Variants in CRK observed in about 807,000 individuals in gnomAD.
The protein encoded by CRK is CRK proto-oncogene, adaptor protein, also known as adapter molecule crk.
A neutral mutation model predicts 29.8 loss-of-function variants in CRK; 4 were observed. The ratio of observed to expected loss-of-function variants is 0.13; its 90% CI spans 0.07 to 0.31. CRK has a LOEUF of 0.31. Among genes scored for constraint, CRK ranks in the 10% least tolerant of loss-of-function variants. The probability of loss-of-function intolerance (pLI) is 1.00; values close to 1 mark genes in which losing one functional copy is unlikely to be tolerated. For missense variants in CRK, 274 were observed against 396.5 expected (o/e 0.69, Z 2.62); for synonymous variants, 153 against 164.9 (o/e 0.93, Z 0.55).
chr17:1,431,021 T>TG, intron 2 of CRK, among the ~76,000 whole-genome samples: 1 of 151,404 alleles, frequency 6.6e-6, no homozygotes, highest in Non-Finnish European at 1.5e-5. Flanking sequence ...TGAGCCGAGA[T>TG]CACGCACTGC....
At chr17:1,447,253 G>A (rs763860780) in intron 1 of CRK, among the ~76,000 whole-genome samples, 23 of 152,316 alleles carry the variant, frequency 1.5e-4, no homozygotes, top group Non-Finnish European at 2.1e-4. Flanking sequence ...GAGAACAGAA[G>A]CAACGACAGG....
Position 1,425,667 on chromosome 17 carries a change from A to T in CRK, c.778-2017T>A, listed in dbSNP as rs1260050199. Among the ~76,000 whole-genome samples the T allele has an allele frequency of 5.3e-5, 8 of 152,372 alleles. No individual in the cohort carries two copies. In the East Asian group the frequency reaches 1.5e-3, roughly 29 times the overall value. On this transcript the variant is annotated intron_variant, in intron 2 of 2. Coordinates refer to ENST00000300574, the MANE Select transcript of CRK (RefSeq NM_016823.4). ...GGGTTCCCTAAAAATGTACGCAGGC[A>T]CATCTACTGGCCAAAGCCAACGTAA...
At chr17:1,449,303 C>G (rs1176377245) in intron 1 of CRK, among the ~76,000 whole-genome samples, 1 of 152,172 alleles carries the variant, frequency 6.6e-6, no homozygotes, top group African/African-American at 2.4e-5. Context: ...AACTGTTTCA[C>G]CAGTTCCTAC....
At position 1,450,891 on chromosome 17, in the gene CRK, A is replaced by G. The variant is rs1265547160; in HGVS notation, c.241+4986T>C. ...ACAAGAGCGAAACTCCCTCTCAAAC[A>G]AAACAAAACAAAACAAATAGGCCGG... On this transcript the variant is annotated intron_variant, in intron 1 of 2. Coordinates refer to ENST00000300574, the MANE Select transcript of CRK (RefSeq NM_016823.4). Among the ~76,000 whole-genome samples the G allele has an allele frequency of 2.6e-5, 4 of 151,352 alleles. No homozygotes were observed. In the East Asian group the frequency reaches 7.8e-4, roughly 30 times the overall value.
chr17:1,444,572 C>T (rs977341305), intron 1 of CRK, among the ~76,000 whole-genome samples: 6 of 138,878 alleles, frequency 4.3e-5, no homozygotes, highest in African/African-American at 1.5e-4. Flanking sequence ...GGCCTGTAAT[C>T]CCAGCACTTT....
At chr17:1,445,421 C>T (rs1156308592) in intron 1 of CRK, among the ~76,000 whole-genome samples, 1 of 152,124 alleles carries the variant, frequency 6.6e-6, no homozygotes, top group Non-Finnish European at 1.5e-5. Context: ...GAAAGGGGTG[C>T]GAGTGCCAGG....
At chr17:1,426,933 G>A (rs943577585) in intron 2 of CRK, among the ~76,000 whole-genome samples, 9 of 149,686 alleles carry the variant, frequency 6.0e-5, no homozygotes, top group South Asian at 2.1e-4. Flanking sequence ...TCAAGAGGCT[G>A]ACATGGGAGG....
At chr17:1,428,406 C>T (rs1325149119) in intron 2 of CRK, among the ~76,000 whole-genome samples, 3 of 151,748 alleles carry the variant, frequency 2.0e-5, no homozygotes, top group African/African-American at 7.3e-5. Flanking sequence ...TGTGAGCCAC[C>T]GTGCCAGCCC....
intron 2 of CRK, among the ~76,000 whole-genome samples, chr17:1,430,769 G>C (rs1420437899): frequency 1.3e-5 from 2 of 151,296 alleles, no homozygotes; most frequent in African/African-American, 2.4e-5. Context: ...GGAAGACCTT[G>C]TTAAAATTAA....
chr17:1,455,159 T>C (rs971512118), intron 1 of CRK, among the ~76,000 whole-genome samples: 2 of 152,232 alleles, frequency 1.3e-5, no homozygotes, highest in African/African-American at 2.4e-5. Flanking sequence ...CAGAACTCTC[T>C]AACGGCGGAC....
At chr17:1,451,472 T>A (rs1309002289) in intron 1 of CRK, among the ~76,000 whole-genome samples, 1 of 151,594 alleles carries the variant, frequency 6.6e-6, no homozygotes, top group Non-Finnish European at 1.5e-5. Flanking sequence ...CCTCAAGTGA[T>A]CCACCCTCCT....
At chr17:1,427,150 G>C (rs1036237067) in intron 2 of CRK, among the ~76,000 whole-genome samples, 1 of 148,414 alleles carries the variant, frequency 6.7e-6, no homozygotes, top group Admixed American at 6.8e-5. Context: ...AATTAGTAAG[G>C]TATCATCGTA....
intron 1 of CRK, among the ~76,000 whole-genome samples, chr17:1,446,979 A>C (rs970592538): frequency 6.6e-6 from 1 of 152,146 alleles, no homozygotes. Flanking sequence ...TTTACTTATA[A>C]ATTATTTTTC....
At chr17:1,432,412 C>A (rs1430051603) in intron 2 of CRK, among the ~76,000 whole-genome samples, 1 of 146,306 alleles carries the variant, frequency 6.8e-6, no homozygotes, top group Non-Finnish European at 1.5e-5. Context: ...TCACTTGAAC[C>A]CAGGAGGCAG....
At position 1,420,981 on chromosome 17, in the gene CRK, C is replaced by T. The variant is rs184388452; in HGVS notation, c.*2532G>A. ...TTCCAACAAATTAATAAGAATTAACCATGTCAAATATTAGTATTCAAAAAA... is the reference window on the plus strand; with the variant it reads ...TTCCAACAAATTAATAAGAATTAACTATGTCAAATATTAGTATTCAAAAAA... On this transcript the variant is annotated 3_prime_UTR_variant, in exon 3 of 3. Transcript: ENST00000300574. The T allele has an allele frequency of 6.6e-6, 1 of 152,088 alleles. No individual in the cohort carries two copies. The highest frequency in any genetic ancestry group is 1.9e-4 in the East Asian group (1 of 5,184). The allele number at this position is 152,088 out of a possible 1,614,324, so 9.4% of individuals were successfully genotyped here.
intron 1 of CRK, among the ~76,000 whole-genome samples, chr17:1,455,187 G>C (rs2074046353): frequency 6.6e-6 from 1 of 152,214 alleles, no homozygotes; most frequent in African/African-American, 2.4e-5. Context: ...TGGACGCTTA[G>C]ATCTCTTGCA....
In CRK at chr17:1,437,154, C is replaced by T; in HGVS notation, c.243G>A (p.Gly81=). ...VPPSPAQPPP[G]VSPSRLRIGD... ...CTATTCGGAGTCTGGAGGGGCTCACCCCTGGAAAAAACAGAGCAGGCTGTT... is the reference window on the plus strand; with the variant it reads ...CTATTCGGAGTCTGGAGGGGCTCACTCCTGGAAAAAACAGAGCAGGCTGTT... The change falls in exon 2 of 3, where the codon GGG becomes GGA. Residue 81 remains glycine, a splice_region_variant and synonymous_variant. Coordinates refer to ENST00000300574, the MANE Select transcript of CRK (RefSeq NM_016823.4). 1.3e-6 allele frequency: 2 copies of T among 1,587,602 alleles called. No individual in the cohort carries two copies. Among genetic ancestry groups the T allele is most frequent in the Non-Finnish European group, 1.7e-6 (2 of 1,167,366 alleles).
chr17:1,434,355 T>C (rs144664918), intron 2 of CRK, among the ~76,000 whole-genome samples: 2 of 152,300 alleles, frequency 1.3e-5, no homozygotes, highest in East Asian at 1.9e-4. Flanking sequence ...TCCTGGGAGA[T>C]AGGCCTTACC....
rs1004091103 is a variant in CRK at position 1,430,264 on chromosome 17, G to C, written c.777+6356C>G. 2.6e-3 allele frequency among the ~76,000 whole-genome samples: 388 copies of C among 151,222 alleles called. 3 individuals carry two copies. The highest frequency in any genetic ancestry group is 8.8e-3 in the African/African-American group (361 of 40,798). ...TCAAAATGTTAGTCAGGCTGGTCTC[G>C]AATTCCTGACCTCAGGTGAAGAGTT... is the stretch of plus-strand genomic sequence containing the variant. On this transcript the variant is annotated intron_variant, in intron 2 of 2. Coordinates refer to ENST00000300574, the MANE Select transcript of CRK (RefSeq NM_016823.4).
Sources: allele counts gnomAD v4.1 joint callset (sites outside exome capture counted in the v4.1 genomes callset), GRCh38; gene constraint gnomAD v4.1.1; transcripts MANE v1.5; gene names NCBI Gene and HGNC (gene_info 2026-07-23, HGNC 2026-07-21).